The following GPC6 variants were observed in gnomAD, a reference collection of about 807,000 sequenced individuals.
GPC6 encodes the protein glypican-6.
Under a neutral mutation model 55.2 loss-of-function variants are expected in GPC6, and 14 were observed. The ratio of observed to expected loss-of-function variants is 0.25; its 90% confidence interval spans 0.17 to 0.40. The LOEUF (loss-of-function observed/expected upper bound fraction) is 0.40, where lower values mean the gene tolerates loss of function less well. GPC6 is among the 10% of genes least tolerant of loss of function. The pLI is 1.00. For synonymous variants in GPC6, 278 were observed against 259.6 expected (o/e 1.07, Z -0.68); for missense variants, 641 against 708.5 (o/e 0.90, Z 1.08).
At chr13:94,035,670 C>G (rs2138731930) in intron 4 of GPC6, among the ~76,000 whole-genome samples, 1 of 152,128 alleles carries the variant, frequency 6.6e-6, no homozygotes, top group Admixed American at 6.5e-5. Context: ...CTTATTTTAA[C>G]CCAAATAATG....
At chr13:93,622,864 C>A (rs1879016333) in intron 2 of GPC6, among the ~76,000 whole-genome samples, 1 of 152,144 alleles carries the variant, frequency 6.6e-6, no homozygotes, top group Non-Finnish European at 1.5e-5. Context: ...TTTCTGCTAT[C>A]TATTTGTAAT....
intron 3 of GPC6, among the ~76,000 whole-genome samples, chr13:93,993,955 G>A (rs1271900646): frequency 1.3e-5 from 2 of 152,162 alleles, no homozygotes; most frequent in African/African-American, 2.4e-5. Context: ...AAGGAGATAA[G>A]CCACTTTATT....
At chr13:94,005,338 T>G (rs765835512) in intron 3 of GPC6, among the ~76,000 whole-genome samples, 2 of 152,218 alleles carry the variant, frequency 1.3e-5, no homozygotes, top group Non-Finnish European at 2.9e-5. Context: ...CCTCCACTGA[T>G]AATCCTTGTA....
chr13:93,245,277 C>T (rs892870267), intron 1 of GPC6, among the ~76,000 whole-genome samples: 1 of 152,146 alleles, frequency 6.6e-6, no homozygotes. Flanking sequence ...ACTTGAGCAC[C>T]GTTATTCAGT....
At chr13:94,145,909 G>A (rs1887546832) in intron 4 of GPC6, among the ~76,000 whole-genome samples, 1 of 152,108 alleles carries the variant, frequency 6.6e-6, no homozygotes, top group South Asian at 2.1e-4. Context: ...AGCTGCAACT[G>A]GACAGGTGAC....
At chr13:94,034,837 A>G (rs1175443366) in intron 4 of GPC6, among the ~76,000 whole-genome samples, 2 of 151,842 alleles carry the variant, frequency 1.3e-5, no homozygotes, top group African/African-American at 2.4e-5. Context: ...GAAATGAGGC[A>G]TACCTATTGT....
chr13:93,863,849 T>A (rs1320543597), intron 3 of GPC6, among the ~76,000 whole-genome samples: 1 of 151,708 alleles, frequency 6.6e-6, no homozygotes, highest in Non-Finnish European at 1.5e-5. Flanking sequence ...TGTGCATTTG[T>A]GTTGCAAAAA....
chr13:93,773,150 A>T (rs1885356458), intron 2 of GPC6, among the ~76,000 whole-genome samples: 1 of 152,216 alleles, frequency 6.6e-6, no homozygotes, highest in South Asian at 2.1e-4. Flanking sequence ...GTTTAAAGAA[A>T]AAGCAAAATG....
At chr13:93,488,500 A>G (rs777178088) in intron 1 of GPC6, among the ~76,000 whole-genome samples, 19 of 152,276 alleles carry the variant, frequency 1.2e-4, no homozygotes, top group East Asian at 1.9e-4. Context: ...TGGGATGGCT[A>G]GGTCAAATGG....
chr13:93,290,544 G>A (rs1433947981), intron 1 of GPC6, among the ~76,000 whole-genome samples: 4 of 152,044 alleles, frequency 2.6e-5, no homozygotes, highest in African/African-American at 9.7e-5. Flanking sequence ...TACAAATAAT[G>A]ATCTTTGATG....
Position 93,272,490 on chromosome 13 carries a change from G to GTATATATATA in GPC6, c.160+44875_160+44876insATATATATAT, listed in dbSNP as rs71202576. On this transcript the variant is annotated intron_variant, in intron 1 of 8. Coordinates refer to ENST00000377047, the MANE Select transcript of GPC6 (RefSeq NM_005708.5). ...AAGAATGAGGTGATTCATTGTCTGT[G>GTATATATATA]TGTATATATATATATATATATATAT... is the stretch of plus-strand genomic sequence containing the variant. Among the ~76,000 whole-genome samples, 274 of 95,392 alleles carry GTATATATATA rather than the reference G, an allele frequency of 2.9e-3. 3 individuals carry two copies. The highest frequency in any genetic ancestry group is 9.2e-3 in the African/African-American group (207 of 22,482). The allele number at this position is 95,392 out of a possible 152,430, so 62.6% of individuals were successfully genotyped here.
intron 3 of GPC6, among the ~76,000 whole-genome samples, chr13:93,840,276 C>T (rs1410645155): frequency 6.6e-6 from 1 of 152,074 alleles, no homozygotes; most frequent in Non-Finnish European, 1.5e-5. Flanking sequence ...ACAACTGACA[C>T]CACTGAAACA....
At chr13:94,131,649 C>T (rs1038113987) in intron 4 of GPC6, among the ~76,000 whole-genome samples, 37 of 151,834 alleles carry the variant, frequency 2.4e-4, no homozygotes, top group African/African-American at 8.0e-4. Flanking sequence ...AGAGATGACA[C>T]GATAAATAGG....
At position 94,137,666 on chromosome 13, in the gene GPC6, C is replaced by T. The variant is rs149722257; in HGVS notation, c.877+109772C>T. ...CATAATTATCAATATAGTATCCCTG[C>T]CATTGAGCTTACAATCTAAAATGAA... On this transcript the variant is annotated intron_variant, in intron 4 of 8. Transcript: ENST00000377047. Among the ~76,000 whole-genome samples, 1,157 of 152,258 alleles carry T rather than the reference C, an allele frequency of 7.6e-3. 11 individuals carry two copies. Among genetic ancestry groups the T allele is most frequent in the South Asian group, 0.042 (202 of 4,824 alleles).
intron 2 of GPC6, among the ~76,000 whole-genome samples, chr13:93,779,541 G>C (rs1370326513): frequency 6.6e-6 from 1 of 152,116 alleles, no homozygotes; most frequent in Non-Finnish European, 1.5e-5. Flanking sequence ...TGGGTGGCGT[G>C]CCCCTCCATT....
chr13:94,052,693 T>G (rs1883994648), intron 4 of GPC6, among the ~76,000 whole-genome samples: 1 of 152,200 alleles, frequency 6.6e-6, no homozygotes, highest in South Asian at 2.1e-4. Flanking sequence ...TGTTTCATTT[T>G]TCCCCTTAGT....
intron 2 of GPC6, among the ~76,000 whole-genome samples, chr13:93,761,514 T>C (rs1195116279): frequency 6.6e-6 from 1 of 152,162 alleles, no homozygotes; most frequent in African/African-American, 2.4e-5. Flanking sequence ...TGCTTTTTAG[T>C]TTTAAAATTT....
intron 1 of GPC6, among the ~76,000 whole-genome samples, chr13:93,426,257 T>C (rs1417580042): frequency 6.6e-6 from 1 of 152,022 alleles, no homozygotes; most frequent in Non-Finnish European, 1.5e-5. Flanking sequence ...TTATTATACT[T>C]TAAGTTTTAG....
At chr13:93,244,127 T>A (rs1254615255) in intron 1 of GPC6, among the ~76,000 whole-genome samples, 1 of 151,992 alleles carries the variant, frequency 6.6e-6, no homozygotes, top group Non-Finnish European at 1.5e-5. Flanking sequence ...ACTGGGGTAA[T>A]GTTTCAGAGA....
Sources: gnomAD v4.1 joint callset for allele counts (sites outside exome capture counted in the v4.1 genomes callset) on GRCh38, gnomAD v4.1.1 for gene constraint, MANE v1.5 for transcripts, NCBI Gene and HGNC (gene_info 2026-07-23, HGNC 2026-07-21) for gene names.